The following CEP128 variants were observed in gnomAD, a reference collection of about 807,000 sequenced individuals.
CEP128 encodes centrosomal protein 128, also known as centrosomal protein 128kDa.
Under a neutral mutation model 156.7 loss-of-function variants are expected in CEP128, and 132 were observed. The observed-to-expected ratio is 0.84, with a 90% CI of 0.73 to 0.97. The LOEUF (loss-of-function observed/expected upper bound fraction) is 0.97. Among genes scored for constraint, CEP128 ranks in the 50% least tolerant of loss-of-function variants. CEP128 has a pLI of 0.00. For synonymous variants in CEP128, 469 were observed against 448.9 expected (o/e 1.04, Z -0.57); for missense variants, 1,252 against 1,281.9 (o/e 0.98, Z 0.36).
At chr14:80,652,629 C>T (rs1466231597) in intron 19 of CEP128, among the ~76,000 whole-genome samples, 5 of 152,200 alleles carry the variant, frequency 3.3e-5, no homozygotes, top group Admixed American at 3.3e-4. Context: ...TAAATCAATA[C>T]CACAGTGAGA....
intron 8 of CEP128, among the ~76,000 whole-genome samples, chr14:80,863,951 T>C (rs903958402): frequency 1.3e-5 from 2 of 152,184 alleles, no homozygotes; most frequent in African/African-American, 4.8e-5. Context: ...AGTTTACTCT[T>C]GAACAACAGG....
chr14:80,516,507 C>A (rs890472854), intron 23 of CEP128, among the ~76,000 whole-genome samples: 7 of 152,174 alleles, frequency 4.6e-5, no homozygotes, highest in African/African-American at 1.4e-4. Context: ...TGGCTCCAAG[C>A]CCAGCATAGT....
chr14:80,575,635 T>C (rs1022976845), intron 20 of CEP128, among the ~76,000 whole-genome samples: 1 of 152,158 alleles, frequency 6.6e-6, no homozygotes, highest in Non-Finnish European at 1.5e-5. Context: ...GTCTGACACA[T>C]AGTAGGTGTA....
chr14:80,685,638 G>A (rs184115977), intron 19 of CEP128, among the ~76,000 whole-genome samples: 2 of 152,062 alleles, frequency 1.3e-5, no homozygotes, highest in East Asian at 1.9e-4. Flanking sequence ...CCAAAGCGAA[G>A]CCCAAACAGC....
chr14:80,491,371 G>A (rs1887318902), intron 6 of CEP128, among the ~76,000 whole-genome samples: 1 of 152,156 alleles, frequency 6.6e-6, no homozygotes, highest in South Asian at 2.1e-4. Context: ...TGGGCAGGAA[G>A]TGCCTCGTTA....
intron 19 of CEP128, among the ~76,000 whole-genome samples, chr14:80,584,481 T>G (rs2140460019): frequency 6.6e-6 from 1 of 152,270 alleles, no homozygotes. Flanking sequence ...CCTTAACTAC[T>G]GCCTTTCTAT....
intron 18 of CEP128, among the ~76,000 whole-genome samples, chr14:80,745,509 A>T (rs1188505264): frequency 6.6e-6 from 1 of 152,188 alleles, no homozygotes; most frequent in East Asian, 1.9e-4. Context: ...ACATCATATG[A>T]TTATACCAAA....
intron 20 of CEP128, among the ~76,000 whole-genome samples, chr14:80,576,551 TC>T (rs771697757): frequency 1.8e-4 from 28 of 152,174 alleles, no homozygotes; most frequent in Non-Finnish European, 3.7e-4. Context: ...AACACTCTCC[TC>T]CCTGAGGCTC....
At chr14:80,581,397 C>A (rs1266073423) in intron 19 of CEP128, among the ~76,000 whole-genome samples, 1 of 152,068 alleles carries the variant, frequency 6.6e-6, no homozygotes, top group Non-Finnish European at 1.5e-5. Context: ...AAATGTTTTA[C>A]CAAGTGCTAT....
At chr14:80,540,025 TCAAGA>T (rs1889670720) in intron 21 of CEP128, among the ~76,000 whole-genome samples, 1 of 152,176 alleles carries the variant, frequency 6.6e-6, no homozygotes, top group Admixed American at 6.5e-5. Context: ...AAGATGTTTA[TCAAGA>T]CAATACATGC....
intron 4 of CEP128, among the ~76,000 whole-genome samples, chr14:80,912,563 C>T (rs904925286): frequency 1.3e-5 from 2 of 152,096 alleles, no homozygotes; most frequent in Non-Finnish European, 2.9e-5. Flanking sequence ...TGAAACATTT[C>T]ATGAACTGCC....
chr14:80,899,742 G>C (rs555313021), intron 7 of CEP128, among the ~76,000 whole-genome samples, 196 bp downstream of exon 7: 1 of 152,172 alleles, frequency 6.6e-6, no homozygotes, highest in South Asian at 2.1e-4. Context: ...TTTAGAAAAA[G>C]GAAATTAATT....
intron 4 of CEP128, among the ~76,000 whole-genome samples, chr14:80,910,662 C>T (rs1195371999): frequency 2.0e-5 from 3 of 152,108 alleles, no homozygotes; most frequent in Admixed American, 2.0e-4. Context: ...TACCCAGTCT[C>T]AGGTAGTTCT....
chr14:80,647,110 C>A (rs985238448), intron 19 of CEP128, among the ~76,000 whole-genome samples: 3 of 111,528 alleles, frequency 2.7e-5, no homozygotes, highest in African/African-American at 6.3e-5. Flanking sequence ...TACACATACA[C>A]ACACACACAC....
chr14:80,516,161 G>A (rs181580901), intron 23 of CEP128, among the ~76,000 whole-genome samples: 1 of 152,182 alleles, frequency 6.6e-6, no homozygotes, highest in African/African-American at 2.4e-5. Flanking sequence ...CAAGACCTAC[G>A]GGCTCTTTAG....
intron 18 of CEP128, among the ~76,000 whole-genome samples, chr14:80,746,484 GAGAAA>G (rs1899107461): frequency 1.3e-5 from 2 of 152,230 alleles, no homozygotes; most frequent in Admixed American, 6.5e-5. Context: ...CAATTTCATA[GAGAAA>G]AGAATAGTCT....
chr14:80,588,476 G>T (rs1381508563), intron 19 of CEP128, among the ~76,000 whole-genome samples: 1 of 152,028 alleles, frequency 6.6e-6, no homozygotes, highest in African/African-American at 2.4e-5. Context: ...GGAAGTAAAT[G>T]ATTAGAGATA....
At chr14:80,519,770 CTTTCCATCTACTCATT>C (rs1348042453) in intron 23 of CEP128, among the ~76,000 whole-genome samples, 2 of 152,194 alleles carry the variant, frequency 1.3e-5, no homozygotes, top group Non-Finnish European at 2.9e-5. Context: ...ATCTACCCAT[CTTTCCATCTACTCATT>C]TTTCCATCTA....
At chr14:80,898,168 C>T (rs1456630790) in intron 7 of CEP128, among the ~76,000 whole-genome samples, 2 of 152,138 alleles carry the variant, frequency 1.3e-5, no homozygotes, top group Non-Finnish European at 2.9e-5. Context: ...TCCCAGTGTA[C>T]TTTTATTATT....
Sources: gnomAD v4.1 joint callset for allele counts (sites outside exome capture counted in the v4.1 genomes callset) on GRCh38, gnomAD v4.1.1 for gene constraint, MANE v1.5 for transcripts, NCBI Gene and HGNC (gene_info 2026-07-23, HGNC 2026-07-21) for gene names.